The following WDR70 variants were observed in gnomAD, a reference collection of about 807,000 sequenced individuals.
The protein encoded by WDR70 is WD repeat domain 70.
Under a neutral mutation model 88.6 loss-of-function variants are expected in WDR70, and 53 were observed. The ratio of observed to expected loss-of-function variants is 0.60; its 90% CI spans 0.48 to 0.75. The LOEUF (loss-of-function observed/expected upper bound fraction) is 0.75, where lower values mean the gene tolerates loss of function less well. Among genes scored for constraint, WDR70 ranks in the 30% least tolerant of loss-of-function variants. The probability of loss-of-function intolerance (pLI) is 0.00; values close to 1 mark genes in which losing one functional copy is unlikely to be tolerated. For missense variants in WDR70, 610 were observed against 823.2 expected (o/e 0.74, Z 3.17); for synonymous variants, 280 against 270.0 (o/e 1.04, Z -0.36).
At chr5:37,611,066 GTTAC>G (rs993096307) in intron 10 of WDR70, among the ~76,000 whole-genome samples, 4 of 152,114 alleles carry the variant, frequency 2.6e-5, no homozygotes, top group Middle Eastern at 3.2e-3. Context: ...GTGCCCTCAA[GTTAC>G]TTAAAGTCTC....
At chr5:37,438,692 A>G (rs1314589120) in intron 6 of WDR70, among the ~76,000 whole-genome samples, 1 of 152,172 alleles carries the variant, frequency 6.6e-6, no homozygotes, top group African/African-American at 2.4e-5. Flanking sequence ...AATATCAATC[A>G]ATAGAGGTAG....
In WDR70 at chr5:37,752,563, G is replaced by A. The variant is rs748152964; in HGVS notation, c.1955G>A (p.Arg652His). The A allele has an allele frequency of 2.4e-5, 39 of 1,611,388 alleles. No individual in the cohort carries two copies. Among genetic ancestry groups the A allele is most frequent in the Middle Eastern group, 1.7e-4 (1 of 6,050 alleles). ...AAGAATGAGCCAGAATGGAAAAAACGTAAAATTTGAAGAATCTCATTTGAG... is the reference window on the plus strand; with the variant it reads ...AAGAATGAGCCAGAATGGAAAAAACATAAAATTTGAAGAATCTCATTTGAG... ...EAKNEPEWKK[R>H]KI Residue 652 changes from arginine to histidine, a missense_variant, in exon 18 of 18, where the codon CGT becomes CAT. By Grantham distance (29) the Arg-to-His change is conservative (BLOSUM62 0). Around this residue, in one of 4 missense-constraint regions of WDR70, gnomAD observed 70 missense variants for 139.2 expected, o/e 0.50. Coordinates refer to ENST00000265107, the MANE Select transcript of WDR70 (RefSeq NM_018034.4).
At chr5:37,643,036 G>C (rs184392357) in intron 10 of WDR70, among the ~76,000 whole-genome samples, 1 of 152,188 alleles carries the variant, frequency 6.6e-6, no homozygotes, top group East Asian at 1.9e-4. Flanking sequence ...ACCTATGCTT[G>C]TGGGGTATTG....
At chr5:37,618,172 A>C (rs1744399021) in intron 10 of WDR70, among the ~76,000 whole-genome samples, 1 of 152,216 alleles carries the variant, frequency 6.6e-6, no homozygotes. Context: ...TCAGTTTAAA[A>C]TATATCCATA....
intron 7 of WDR70, among the ~76,000 whole-genome samples, chr5:37,454,625 G>A (rs1331872602): frequency 6.6e-6 from 1 of 152,192 alleles, no homozygotes; most frequent in African/African-American, 2.4e-5. Flanking sequence ...TAGTCATAAA[G>A]TGTTATACAC....
At chr5:37,405,559 G>C (rs1387559442) in intron 5 of WDR70, among the ~76,000 whole-genome samples, 1 of 151,784 alleles carries the variant, frequency 6.6e-6, no homozygotes, top group Non-Finnish European at 1.5e-5. Flanking sequence ...ATTGACCATA[G>C]CTGTGCCGAT....
At chr5:37,691,932 A>G (rs954040694) in intron 10 of WDR70, among the ~76,000 whole-genome samples, 5 of 152,176 alleles carry the variant, frequency 3.3e-5, no homozygotes, top group East Asian at 1.9e-4. Flanking sequence ...TTTTTTGAAA[A>G]GATCAACAAA....
intron 5 of WDR70, among the ~76,000 whole-genome samples, chr5:37,401,248 G>A (rs1166508188): frequency 3.5e-5 from 5 of 141,978 alleles, no homozygotes; most frequent in Middle Eastern, 4.0e-3. Context: ...GGGCTCAAGT[G>A]ATCCTCCTGT....
At chr5:37,522,461 ACT>A (rs1349387760) in intron 9 of WDR70, among the ~76,000 whole-genome samples, 1 of 132,428 alleles carries the variant, frequency 7.6e-6, no homozygotes, top group Non-Finnish European at 1.6e-5. Flanking sequence ...ATGGAGTGAG[ACT>A]CTGTCTCAAA....
At chr5:37,472,688 G>A (rs1739361956) in intron 7 of WDR70, among the ~76,000 whole-genome samples, 1 of 151,924 alleles carries the variant, frequency 6.6e-6, no homozygotes, top group Admixed American at 6.6e-5. Context: ...TAGTAGAGAT[G>A]GGGTTTTGCC....
chr5:37,481,044 C>T (rs889397574), intron 8 of WDR70, among the ~76,000 whole-genome samples: 1 of 152,240 alleles, frequency 6.6e-6, no homozygotes, highest in African/African-American at 2.4e-5. Flanking sequence ...CCTCCTTTGA[C>T]TCCATGTGTC....
intron 8 of WDR70, among the ~76,000 whole-genome samples, chr5:37,497,414 C>CCCCTTCCCTTCCCTCTT (rs1171250610): frequency 1.1e-3 from 41 of 37,310 alleles, no homozygotes; most frequent in Non-Finnish European, 2.8e-3. Context: ...CCCCTCCCCT[C>CCCCTTCCCTTCCCTCTT]CCCTTCCCTT....
At chr5:37,531,943 T>C (rs1181074400) in intron 9 of WDR70, among the ~76,000 whole-genome samples, 1 of 152,204 alleles carries the variant, frequency 6.6e-6, no homozygotes, top group Non-Finnish European at 1.5e-5. Context: ...GTTCTTGTAG[T>C]GTTGGCCTGG....
At chr5:37,676,285 G>C (rs1372146846) in intron 10 of WDR70, among the ~76,000 whole-genome samples, 1 of 151,444 alleles carries the variant, frequency 6.6e-6, no homozygotes, top group South Asian at 2.1e-4. Context: ...AATAGGAGTG[G>C]TGAGAGAGGG....
At chr5:37,472,444 A>T (rs535763585) in intron 7 of WDR70, among the ~76,000 whole-genome samples, 2 of 152,080 alleles carry the variant, frequency 1.3e-5, no homozygotes, top group South Asian at 4.1e-4. Context: ...CATGTATTTC[A>T]TTGCATGAAT....
chr5:37,692,135 A>G (rs531822919), intron 10 of WDR70, among the ~76,000 whole-genome samples: 70 of 152,218 alleles, frequency 4.6e-4, no homozygotes, highest in Middle Eastern at 6.8e-3. Context: ...GGACACATAC[A>G]CCACCCCCCA....
At chr5:37,635,696 C>T (rs1334904360) in intron 10 of WDR70, among the ~76,000 whole-genome samples, 2 of 152,008 alleles carry the variant, frequency 1.3e-5, no homozygotes, top group East Asian at 3.9e-4. Flanking sequence ...AGATAATTGA[C>T]AAAGGAATTA....
rs1743147799 is a variant in WDR70 at position 37,579,219 on chromosome 5, T to C, written c.918-25845T>C. Among the ~76,000 whole-genome samples the C allele has an allele frequency of 2.0e-5, 3 of 152,250 alleles. No homozygotes were observed. The South Asian group carries it at 6.2e-4, about 32-fold the overall frequency. The stretch of plus-strand genomic sequence containing the variant: ...TTTTTGACTGAATGGAAGGAAGATG[T>C]AGGGAGAGAAGGAAGAAAGGAAATT... On this transcript the variant is annotated intron_variant, in intron 9 of 17. Coordinates refer to ENST00000265107, the MANE Select transcript of WDR70 (RefSeq NM_018034.4).
chr5:37,531,421 G>A (rs1741479298), intron 9 of WDR70, among the ~76,000 whole-genome samples: 1 of 151,790 alleles, frequency 6.6e-6, no homozygotes, highest in Non-Finnish European at 1.5e-5. Flanking sequence ...CATTTCTTAG[G>A]CCTAGTAGAA....
Sources: allele counts gnomAD v4.1 joint callset (sites outside exome capture counted in the v4.1 genomes callset), GRCh38; gene constraint gnomAD v4.1.1; regional missense constraint gnomAD v4.1.1; transcripts MANE v1.5; gene names NCBI Gene and HGNC (gene_info 2026-07-23, HGNC 2026-07-21).